The following VPS13B variants were observed in gnomAD, a reference collection of about 807,000 sequenced individuals.
The protein encoded by VPS13B is intermembrane lipid transfer protein VPS13B.
In VPS13B, 285 loss-of-function variants were observed where a neutral mutation model predicts 426.4. That is an observed-to-expected ratio of 0.67 (90% CI 0.61 to 0.74). VPS13B has a LOEUF of 0.74. Ranked by LOEUF, VPS13B falls within the 30% of genes least tolerant of loss-of-function variation. The pLI, the probability that VPS13B is intolerant of heterozygous loss-of-function variation, is 0.00. For synonymous variants in VPS13B, 1,676 were observed against 1,676.4 expected (o/e 1.00, Z 0.01); for missense variants, 4,537 against 4,782.6 (o/e 0.95, Z 1.51).
intron 19 of VPS13B, among the ~76,000 whole-genome samples, chr8:99,330,927 G>A (rs1414897790): frequency 6.6e-6 from 1 of 151,524 alleles, no homozygotes; most frequent in Non-Finnish European, 1.5e-5. Flanking sequence ...TAGAGTATTA[G>A]GTGAAGTTGA....
chr8:99,763,135 C>CAAAAAAAAAA (rs750289763), intron 39 of VPS13B, among the ~76,000 whole-genome samples: 11 of 35,836 alleles, frequency 3.1e-4, no homozygotes, highest in African/African-American at 1.4e-3. Flanking sequence ...GACCTTGTCT[C>CAAAAAAAAAA]AAAAAAAAAA....
At chr8:99,602,798 A>G (rs1260393247) in intron 33 of VPS13B, among the ~76,000 whole-genome samples, 1 of 152,224 alleles carries the variant, frequency 6.6e-6, no homozygotes. Flanking sequence ...AAGAGAATAA[A>G]ATACCTAGGA....
chr8:99,074,775 A>G (rs963128247), intron 3 of VPS13B, among the ~76,000 whole-genome samples: 1 of 151,864 alleles, frequency 6.6e-6, no homozygotes, highest in African/African-American at 2.4e-5. Context: ...AGCTGGGACT[A>G]CAGGTGTGTG....
intron 31 of VPS13B, among the ~76,000 whole-genome samples, chr8:99,566,165 AT>A (rs1225705098): frequency 6.6e-6 from 1 of 152,134 alleles, no homozygotes; most frequent in Non-Finnish European, 1.5e-5. Flanking sequence ...GATGGTGTAG[AT>A]ATAACAGGGC....
intron 61 of VPS13B, among the ~76,000 whole-genome samples, chr8:99,872,306 C>G (rs761340805): frequency 1.3e-5 from 2 of 152,202 alleles, no homozygotes; most frequent in African/African-American, 2.4e-5. Context: ...GTGAAGTGGT[C>G]TCTCTCTCAA....
At chr8:99,598,859 T>A (rs191714791) in intron 33 of VPS13B, among the ~76,000 whole-genome samples, 149 of 152,076 alleles carry the variant, frequency 9.8e-4, no homozygotes, top group Non-Finnish European at 1.8e-3. Flanking sequence ...CCTGTTCTTA[T>A]GCTGTCTTTG....
At chr8:99,148,860 TGCAGCTAA>T (rs1810897474) in intron 14 of VPS13B, among the ~76,000 whole-genome samples, 1 of 152,256 alleles carries the variant, frequency 6.6e-6, no homozygotes, top group Non-Finnish European at 1.5e-5. Context: ...AGTTTCACAC[TGCAGCTAA>T]GCAGTGGTGT....
chr8:99,786,968 C>T (rs926785715), intron 43 of VPS13B, among the ~76,000 whole-genome samples: 8 of 152,166 alleles, frequency 5.3e-5, no homozygotes, highest in African/African-American at 1.9e-4. Context: ...CAAACTGCAC[C>T]TGGAGCTTGT....
chr8:99,703,461 G>A (rs1373215821), intron 36 of VPS13B, among the ~76,000 whole-genome samples: 2 of 151,990 alleles, frequency 1.3e-5, no homozygotes, highest in East Asian at 1.9e-4. Flanking sequence ...GGTAATGCTT[G>A]TATTTTTAAG....
chr8:99,032,514 ACTTT>A (rs1264357615), intron 2 of VPS13B, among the ~76,000 whole-genome samples: 17 of 148,706 alleles, frequency 1.1e-4, no homozygotes, highest in African/African-American at 2.2e-4. Context: ...CTTTTGAATT[ACTTT>A]CTTTCTTTCT....
intron 17 of VPS13B, among the ~76,000 whole-genome samples, chr8:99,218,731 G>A (rs1815520693): frequency 6.6e-6 from 1 of 152,204 alleles, no homozygotes. Flanking sequence ...GAATGAATGG[G>A]AGGTGGGTGG....
Position 99,778,696 on chromosome 8 carries a change from C to T in VPS13B, c.7444C>T (p.Leu2482=). 2 of 1,613,856 alleles carry T rather than the reference C, an allele frequency of 1.2e-6. No homozygotes were observed. The highest frequency in any genetic ancestry group is 1.7e-6 in the Non-Finnish European group (2 of 1,179,848). ...DQLGTAAPQY[L]QPFVSDRNMP... ...TTTCTCAACAGCTGCACCACAGTACCTACAGCCATTTGTTTCCGACAGAAA... is the reference window on the plus strand; with the variant it reads ...TTTCTCAACAGCTGCACCACAGTACTTACAGCCATTTGTTTCCGACAGAAA... Residue 2482 remains leucine (L), a synonymous_variant, in exon 42 of 62, where the codon CTA becomes TTA. Coordinates refer to ENST00000357162, the MANE Select transcript of VPS13B (RefSeq NM_152564.5).
chr8:99,160,270 T>C (rs1811575199), intron 15 of VPS13B, among the ~76,000 whole-genome samples: 1 of 152,140 alleles, frequency 6.6e-6, no homozygotes, highest in Non-Finnish European at 1.5e-5. Flanking sequence ...ATGTTTTAGC[T>C]AAGCAAGCAG....
In VPS13B at chr8:99,577,411, G is replaced by A. The variant is rs568447488; in HGVS notation, c.5077-79G>A. Reference sequence around the variant, plus strand: ...AGGAAATGTCACCAAAGTAGTGAAGGTCAAATAAGTAAGAATGATAAATTA... The same window carrying A: ...AGGAAATGTCACCAAAGTAGTGAAGATCAAATAAGTAAGAATGATAAATTA... On this transcript the variant is annotated intron_variant, in intron 32 of 61. Coordinates refer to ENST00000357162, the MANE Select transcript of VPS13B (RefSeq NM_152564.5). 8.1e-6 allele frequency: 13 copies of A among 1,596,370 alleles called. No individual in the cohort carries two copies. The South Asian group carries it at 1.3e-4, about 16-fold the overall frequency.
At chr8:99,541,508 A>G (rs923342669) in intron 30 of VPS13B, among the ~76,000 whole-genome samples, 3 of 151,890 alleles carry the variant, frequency 2.0e-5, no homozygotes, top group East Asian at 1.9e-4. Context: ...TTCCCCCTGC[A>G]CCCGGACAGG....
At chr8:99,407,427 G>T (rs906437076) in intron 21 of VPS13B, among the ~76,000 whole-genome samples, 1 of 151,992 alleles carries the variant, frequency 6.6e-6, no homozygotes, top group African/African-American at 2.4e-5. Flanking sequence ...ATTATTGTAC[G>T]TTCTACATTA....
chr8:99,695,704 A>T (rs1379402104), intron 35 of VPS13B, among the ~76,000 whole-genome samples: 2 of 151,258 alleles, frequency 1.3e-5, no homozygotes, highest in Non-Finnish European at 2.9e-5. Context: ...ATAATAAAAA[A>T]AAAAAAAACT....
intron 17 of VPS13B, among the ~76,000 whole-genome samples, chr8:99,237,156 G>A (rs1264448676): frequency 1.3e-5 from 2 of 152,176 alleles, no homozygotes; most frequent in Non-Finnish European, 2.9e-5. Context: ...GGAACTGTAA[G>A]TCCAATTAAA....
intron 17 of VPS13B, among the ~76,000 whole-genome samples, chr8:99,240,266 T>C (rs2132883869): frequency 6.6e-6 from 1 of 152,346 alleles, no homozygotes; most frequent in South Asian, 2.1e-4. Flanking sequence ...TAATAAGGCC[T>C]CATTTAATTT....
Sources: allele counts gnomAD v4.1 joint callset (sites outside exome capture counted in the v4.1 genomes callset), GRCh38; gene constraint gnomAD v4.1.1; transcripts MANE v1.5; gene names NCBI Gene and HGNC (gene_info 2026-07-23, HGNC 2026-07-21).